The following CNTNAP5 variants were observed in gnomAD, a reference collection of about 807,000 sequenced individuals.
CNTNAP5 encodes contactin associated protein family member 5, also known as contactin-associated protein-like 5.
CNTNAP5 carries 72 observed loss-of-function variants against 150.2 expected under a neutral mutation model. The observed-to-expected ratio is 0.48, with a 90% confidence interval of 0.40 to 0.58. The LOEUF (loss-of-function observed/expected upper bound fraction) is 0.58. Ranked by LOEUF, CNTNAP5 falls within the 20% of genes least tolerant of loss-of-function variation. The pLI is 0.00. For synonymous variants in CNTNAP5, 672 were observed against 619.8 expected (o/e 1.08, Z -1.25); for missense variants, 1,636 against 1,626.2 (o/e 1.01, Z -0.10).
At chr2:124,145,794 TA>T (rs759470861) in intron 1 of CNTNAP5, among the ~76,000 whole-genome samples, 5,068 of 29,464 alleles carry the variant, frequency 0.17, 264 homozygotes, top group Admixed American at 0.28. Context: ...TAAAGTATAA[TA>T]AAAAAAAAAA....
chr2:124,152,779 C>T (rs555264026), intron 1 of CNTNAP5, among the ~76,000 whole-genome samples: 1 of 152,280 alleles, frequency 6.6e-6, no homozygotes, highest in Non-Finnish European at 1.5e-5. Context: ...AATTTCAATT[C>T]TGAAGGAAAT....
chr2:124,026,844 C>T (rs1020021824), intron 1 of CNTNAP5, among the ~76,000 whole-genome samples: 1 of 152,206 alleles, frequency 6.6e-6, no homozygotes, highest in Non-Finnish European at 1.5e-5. Context: ...CACATAGGGA[C>T]CTTTCTACCT....
intron 3 of CNTNAP5, among the ~76,000 whole-genome samples, chr2:124,369,303 G>A (rs1162680197): frequency 1.3e-5 from 2 of 152,188 alleles, no homozygotes; most frequent in African/African-American, 4.8e-5. Context: ...AACTTGGGTA[G>A]CAACCAGGAG....
At chr2:124,555,893 C>A (rs912536830) in intron 10 of CNTNAP5, among the ~76,000 whole-genome samples, 1 of 152,174 alleles carries the variant, frequency 6.6e-6, no homozygotes, top group Non-Finnish European at 1.5e-5. Context: ...AATTTGATAT[C>A]ATTATGTTAA....
At chr2:124,275,861 C>G (rs17666092) in intron 3 of CNTNAP5, among the ~76,000 whole-genome samples, 13,648 of 152,182 alleles carry the variant, frequency 0.09, 699 homozygotes, top group Non-Finnish European at 0.12. Context: ...TCCCAAGTGA[C>G]CCAATGAGAA....
intron 3 of CNTNAP5, among the ~76,000 whole-genome samples, chr2:124,295,211 T>C (rs191844031): frequency 3.3e-5 from 5 of 151,854 alleles, no homozygotes; most frequent in Admixed American, 3.3e-4. Flanking sequence ...TTCTTTTTTT[T>C]TTTTTTTCTT....
intron 19 of CNTNAP5, among the ~76,000 whole-genome samples, chr2:124,805,977 C>A (rs1682071941): frequency 6.6e-6 from 1 of 152,164 alleles, no homozygotes; most frequent in Non-Finnish European, 1.5e-5. Flanking sequence ...GGCCTCCTTT[C>A]CGAATACAGC....
At chr2:124,752,468 A>G (rs1259660775) in intron 14 of CNTNAP5, among the ~76,000 whole-genome samples, 1 of 152,144 alleles carries the variant, frequency 6.6e-6, no homozygotes, top group African/African-American at 2.4e-5. Context: ...ACAGCTCACA[A>G]GGTTGAGGTG....
chr2:124,482,183 C>A (rs17011550), intron 7 of CNTNAP5, among the ~76,000 whole-genome samples: 15,505 of 152,210 alleles, frequency 0.1, 1,252 homozygotes, highest in African/African-American at 0.2. Flanking sequence ...ATTCGAAGAT[C>A]CTGTATTTCA....
intron 13 of CNTNAP5, among the ~76,000 whole-genome samples, chr2:124,677,804 A>G (rs1678979417): frequency 6.6e-6 from 1 of 151,810 alleles, no homozygotes; most frequent in African/African-American, 2.4e-5. Flanking sequence ...TCCTCTAGCT[A>G]GACAGAAAAG....
In CNTNAP5 at chr2:124,471,421, A is replaced by G. The variant is rs188295029; in HGVS notation, c.919-3318A>G. Among the ~76,000 whole-genome samples the G allele has an allele frequency of 2.0e-5, 3 of 152,194 alleles. No homozygotes were observed. In the East Asian group the frequency reaches 5.8e-4, roughly 29 times the overall value. ...TGATTTGTGTACATAATTTTGTATT[A>G]TGAGACTTTGCTGAAGTTGCTTATC... On this transcript the variant is annotated intron_variant, in intron 6 of 23. Transcript: ENST00000682447.
intron 6 of CNTNAP5, among the ~76,000 whole-genome samples, chr2:124,447,748 A>G (rs946332313): frequency 2.0e-5 from 3 of 152,242 alleles, no homozygotes; most frequent in Non-Finnish European, 4.4e-5. Flanking sequence ...GAAAAATGGC[A>G]GAAGTTTTCT....
At chr2:124,133,177 G>T (rs1683896726) in intron 1 of CNTNAP5, among the ~76,000 whole-genome samples, 2 of 152,048 alleles carry the variant, frequency 1.3e-5, no homozygotes, top group Non-Finnish European at 2.9e-5. Flanking sequence ...CAGAAAGACT[G>T]ACAATTCTAA....
rs972932794 is a variant in CNTNAP5, at chr2:124,920,358, G to A, written c.*6070G>A. ...AAACCTTGAAGGGAAAATATTAACG[G>A]GCATCAGCCTGGGCATACTTTCCCA... On this transcript the variant is annotated 3_prime_UTR_variant, in exon 24 of 24. Transcript: ENST00000682447. 6.6e-6 allele frequency among the ~76,000 whole-genome samples: 1 copy of A among 152,010 alleles called. No individual in the cohort carries two copies. Among genetic ancestry groups the A allele is most frequent in the East Asian group, 1.9e-4 (1 of 5,154 alleles).
intron 1 of CNTNAP5, among the ~76,000 whole-genome samples, chr2:124,037,627 A>C (rs1681261214): frequency 6.6e-6 from 1 of 152,180 alleles, no homozygotes; most frequent in African/African-American, 2.4e-5. Flanking sequence ...TGGAATCTAA[A>C]AAATTCAAAT....
chr2:124,808,420 T>G (rs903453487), intron 19 of CNTNAP5, among the ~76,000 whole-genome samples: 2 of 151,964 alleles, frequency 1.3e-5, no homozygotes, highest in African/African-American at 4.8e-5. Context: ...AAACTCCGTC[T>G]CTACTAAAAA....
At chr2:124,039,742 G>A (rs1681316681) in intron 1 of CNTNAP5, among the ~76,000 whole-genome samples, 1 of 152,048 alleles carries the variant, frequency 6.6e-6, no homozygotes, top group Non-Finnish European at 1.5e-5. Context: ...AATCCCAAAT[G>A]TCCCTGCTTT....
chr2:124,599,453 G>T (rs905555106), intron 11 of CNTNAP5, among the ~76,000 whole-genome samples: 1 of 151,940 alleles, frequency 6.6e-6, no homozygotes, highest in Non-Finnish European at 1.5e-5. Context: ...ACGTTATTTA[G>T]TTCTGTTTGC....
intron 21 of CNTNAP5, among the ~76,000 whole-genome samples, chr2:124,884,277 G>A (rs1247845173): frequency 6.6e-6 from 1 of 151,964 alleles, no homozygotes; most frequent in Non-Finnish European, 1.5e-5. Flanking sequence ...GGGAATACTT[G>A]TACATGCATG....
Sources: allele counts gnomAD v4.1 joint callset (sites outside exome capture counted in the v4.1 genomes callset), GRCh38; gene constraint gnomAD v4.1.1; transcripts MANE v1.5; gene names NCBI Gene and HGNC (gene_info 2026-07-23, HGNC 2026-07-21).